Variants in PRPF39 observed in about 807,000 individuals in gnomAD.
The protein encoded by PRPF39 is pre-mRNA processing factor 39, also known as pre-mRNA-processing factor 39.
Under a neutral mutation model 82.1 loss-of-function variants are expected in PRPF39, and 27 were observed. That is an observed-to-expected ratio of 0.33 (90% CI 0.24 to 0.45). The LOEUF is 0.45. PRPF39 is among the 20% of genes least tolerant of loss of function. The pLI is 1.00. For synonymous variants in PRPF39, 261 were observed against 256.4 expected (o/e 1.02, Z -0.17); for missense variants, 581 against 796.9 (o/e 0.73, Z 3.26).
At chr14:45,105,805 C>A (rs1456320352) in intron 5 of PRPF39, among the ~76,000 whole-genome samples, 1 of 151,782 alleles carries the variant, frequency 6.6e-6, no homozygotes, top group Admixed American at 6.6e-5. Flanking sequence ...GGATTACAGG[C>A]GTCAGCAGGC....
intron 1 of PRPF39, among the ~76,000 whole-genome samples, chr14:45,087,529 G>T (rs1883871095): frequency 6.6e-6 from 1 of 151,868 alleles, no homozygotes; most frequent in South Asian, 2.1e-4. Context: ...TAAGTAATTG[G>T]CTCAGAGTTC....
At position 45,115,951 on chromosome 14, in the gene PRPF39, G is replaced by T; in HGVS notation, c.*1038G>T. On this transcript the variant is annotated 3_prime_UTR_variant, in exon 14 of 14. Transcript: ENST00000355765. Reference sequence around the variant, plus strand: ...TGAGCCACTTAAGTTTACAACATGAGGTAAAAGGAAAAAGTTCTCCTTGAC... The same window carrying T: ...TGAGCCACTTAAGTTTACAACATGATGTAAAAGGAAAAAGTTCTCCTTGAC... 1 of 430,280 alleles carries T rather than the reference G, an allele frequency of 2.3e-6. No individual in the cohort carries two copies. The highest frequency in any genetic ancestry group is 4.3e-6 in the Non-Finnish European group (1 of 233,944). The allele number at this position is 430,280 out of a possible 1,614,324, so 26.7% of individuals were successfully genotyped here. A position where few individuals can be genotyped will look rare whatever the true frequency, so the allele number is the denominator to read the frequency against.
At position 45,110,280 on chromosome 14, in the gene PRPF39, G is replaced by T. The variant is rs1884662251; in HGVS notation, c.1303+60G>T. 4 of 1,593,130 alleles carry T rather than the reference G, an allele frequency of 2.5e-6. No individual in the cohort carries two copies. Among genetic ancestry groups the T allele is most frequent in the South Asian group, 1.1e-5 (1 of 89,608 alleles). The stretch of plus-strand genomic sequence containing the variant: ...ATTTTAAGTTATTTCAGGAAACAGT[G>T]ACAAATTGAGTGGTAAGGGATGGTG... On this transcript the variant is annotated intron_variant, in intron 9 of 13. Coordinates refer to ENST00000355765, the MANE Select transcript of PRPF39 (RefSeq NM_017922.4). This position sits in a 1 kb window ranked among gnomAD's most constrained non-coding sequence, Gnocchi z 4.0.
Position 45,110,559 on chromosome 14 carries a change from T to G in PRPF39, c.1314T>G (p.Asn438Lys). 1 of 1,558,910 alleles carries G rather than the reference T, an allele frequency of 6.4e-7. No homozygotes were observed. Among genetic ancestry groups the G allele is most frequent in the East Asian group, 2.4e-5 (1 of 42,210 alleles). The change falls in exon 10 of 14, where the codon AAT becomes AAG. Residue 438 changes from asparagine (N) to lysine (K), a missense_variant. Coordinates refer to ENST00000355765, the MANE Select transcript of PRPF39 (RefSeq NM_017922.4). The surrounding 1 kb of genome is among the most constrained non-coding windows in gnomAD (Gnocchi z 4.0). ...AATTACTGTTTCTAGGTAATATTAA[T>G]GAAGCCAGGAATATCTTGAAAACAT... The part of the protein sequence containing the change: ...AAFEEQQGNI[N>K]EARNILKTFE...
At chr14:45,086,793 G>A (rs1284148234) in intron 1 of PRPF39, among the ~76,000 whole-genome samples, 1 of 150,730 alleles carries the variant, frequency 6.6e-6, no homozygotes, top group African/African-American at 2.4e-5. Flanking sequence ...CTGTGATCAG[G>A]AAATTTAATA....
intron 4 of PRPF39, among the ~76,000 whole-genome samples, chr14:45,102,083 A>C (rs538123656): frequency 1.3e-3 from 194 of 152,270 alleles, no homozygotes; most frequent in Non-Finnish European, 2.2e-3. Flanking sequence ...CTGCGATTAC[A>C]GGCATGAGCC....
Position 45,114,490 on chromosome 14 carries a change from A to G in PRPF39, c.1833-4A>G, listed in dbSNP as rs763813269. The G allele has an allele frequency of 3.2e-6, 5 of 1,568,274 alleles. No individual in the cohort carries two copies. The highest frequency in any genetic ancestry group is 4.3e-6 in the Non-Finnish European group (5 of 1,165,414). Reference sequence around the variant, plus strand: ...GAAAGTTTCCATTCTGACGTTTTATATAGATCAGAAGAACCAGAGGAAAAG... The same window carrying G: ...GAAAGTTTCCATTCTGACGTTTTATGTAGATCAGAAGAACCAGAGGAAAAG... On this transcript the variant is annotated splice_polypyrimidine_tract_variant and splice_region_variant and intron_variant, in intron 12 of 13. Coordinates refer to ENST00000355765, the MANE Select transcript of PRPF39 (RefSeq NM_017922.4).
chr14:45,087,473 A>G (rs1883868942), intron 1 of PRPF39, among the ~76,000 whole-genome samples: 1 of 152,012 alleles, frequency 6.6e-6, no homozygotes, highest in African/African-American at 2.4e-5. Context: ...ATTCATTTTT[A>G]TACCGAGGTA....
At chr14:45,099,206 ATTCT>A (rs1884294722) in intron 4 of PRPF39, among the ~76,000 whole-genome samples, 1 of 152,074 alleles carries the variant, frequency 6.6e-6, no homozygotes, top group Non-Finnish European at 1.5e-5. Context: ...GAGTCTTTTC[ATTCT>A]GAGATTCTAA....
At chr14:45,105,686 G>A (rs1030282115) in intron 5 of PRPF39, among the ~76,000 whole-genome samples, 3 of 151,550 alleles carry the variant, frequency 2.0e-5, no homozygotes, top group African/African-American at 7.3e-5. Flanking sequence ...GCCCCGACAC[G>A]GAGCTAATTT....
At chr14:45,109,532 A>T in intron 7 of PRPF39, 84 bp from the exon 8 acceptor site, 1 of 1,072,564 alleles carries the variant, frequency 9.3e-7, no homozygotes, top group Non-Finnish European at 1.2e-6. Context: ...AATTATATTT[A>T]AAATTATTTG....
At chr14:45,089,810 A>G (rs1274707484) in intron 1 of PRPF39, among the ~76,000 whole-genome samples, 2 of 152,272 alleles carry the variant, frequency 1.3e-5, no homozygotes, top group African/African-American at 4.8e-5. Flanking sequence ...AATAATTGAC[A>G]TATAAATAAT....
In PRPF39 at chr14:45,084,227, C is replaced by G. The variant is rs1245057598; in HGVS notation, c.-42C>G. The G allele has an allele frequency of 6.5e-6, 1 of 152,974 alleles. No individual in the cohort carries two copies. Among genetic ancestry groups the G allele is most frequent in the Admixed American group, 6.5e-5 (1 of 15,288 alleles). The allele number at this position is 152,974 out of a possible 1,614,324, so 9.5% of individuals were successfully genotyped here. On this transcript the variant is annotated 5_prime_UTR_variant, in exon 1 of 14. Coordinates refer to ENST00000355765, the MANE Select transcript of PRPF39 (RefSeq NM_017922.4). ...GGTCGTCACAGGCTCCGGCTCATGG[C>G]ATCAAGTGGCATCCATCATAAGGTC... is the stretch of plus-strand genomic sequence containing the variant.
intron 1 of PRPF39, among the ~76,000 whole-genome samples, chr14:45,085,381 T>C (rs963487221): frequency 2.0e-5 from 3 of 152,170 alleles, no homozygotes; most frequent in African/African-American, 7.2e-5. Context: ...GAGACACTAT[T>C]TGTGTAAAGT....
intron 5 of PRPF39, 52 bp from the exon 6 acceptor site, chr14:45,107,399 T>G: frequency 7.4e-6 from 10 of 1,345,566 alleles, no homozygotes; most frequent in Non-Finnish European, 9.1e-6. Context: ...AATCTCAATA[T>G]GAGATCTAAA....
chr14:45,091,434 C>T (rs1006315225), intron 1 of PRPF39, among the ~76,000 whole-genome samples: 1 of 152,194 alleles, frequency 6.6e-6, no homozygotes, highest in African/African-American at 2.4e-5. Flanking sequence ...AGCCACCTTT[C>T]CTGGCCATGC....
In PRPF39 at chr14:45,112,372, A is replaced by C. The variant is rs775873427; in HGVS notation, c.1627A>C (p.Lys543Gln). ...LLEMEYSGDL[K>Q]QNEENILNCF... ...TGAAATGGAATATAGTGGTGACCTC[A>C]AACAAAATGAAGAAAATATCCTAAA... The change falls in exon 11 of 14, where the codon AAA becomes CAA. Residue 543 changes from lysine to glutamine, a missense_variant. By Grantham distance (53) the Lys-to-Gln change is moderately conservative. Transcript: ENST00000355765. The C allele has an allele frequency of 3.8e-6, 6 of 1,583,672 alleles. No homozygotes were observed. In the Admixed American group the frequency reaches 5.9e-5, roughly 16 times the overall value.
chr14:45,096,082 A>G, intron 2 of PRPF39, 21 bp from the exon 3 acceptor site: 1 of 1,535,236 alleles, frequency 6.5e-7, no homozygotes, highest in Non-Finnish European at 8.8e-7. Context: ...CAATATTTAA[A>G]TACTGTTTTA....
rs1384761193 is a variant in PRPF39 at position 45,110,882 on chromosome 14, G to A, written c.1572+65G>A. 5.1e-6 allele frequency: 7 copies of A among 1,376,808 alleles called. No individual in the cohort carries two copies. The African/African-American group carries it at 5.9e-5, about 12-fold the overall frequency. The allele number at this position is 1,376,808 out of a possible 1,614,324, so 85.3% of individuals were successfully genotyped here. A position where few individuals can be genotyped will look rare whatever the true frequency, so the allele number is the denominator to read the frequency against. Reference sequence around the variant, plus strand: ...AACCAGTGGTCAGTGTATTTTCACTGTGGCAACTGTGATGAAAGATTTGGT... The same window carrying A: ...AACCAGTGGTCAGTGTATTTTCACTATGGCAACTGTGATGAAAGATTTGGT... On this transcript the variant is annotated intron_variant, in intron 10 of 13. Coordinates refer to ENST00000355765, the MANE Select transcript of PRPF39 (RefSeq NM_017922.4). This position sits in a 1 kb window ranked among gnomAD's most constrained non-coding sequence, Gnocchi z 4.0.
Sources: allele counts gnomAD v4.1 joint callset (sites outside exome capture counted in the v4.1 genomes callset), GRCh38; gene constraint gnomAD v4.1.1; non-coding constraint Gnocchi (gnomAD v3.1); transcripts MANE v1.5; gene names NCBI Gene and HGNC (gene_info 2026-07-23, HGNC 2026-07-21).